UGT8: variants seen among roughly 807,000 people sequenced by gnomAD.
The protein encoded by UGT8 is UDP glycosyltransferase 8.
In UGT8, 12 loss-of-function variants were observed where a neutral mutation model predicts 40.5. That is an observed-to-expected ratio of 0.30 (90% CI 0.19 to 0.48). UGT8 has a LOEUF of 0.48. UGT8 is among the 20% of genes least tolerant of loss of function. The pLI is 0.99. For missense variants in UGT8, 513 were observed against 648.7 expected (o/e 0.79, Z 2.27); for synonymous variants, 224 against 240.4 (o/e 0.93, Z 0.63).
intron 2 of UGT8, among the ~76,000 whole-genome samples, chr4:114,658,087 A>T (rs1037595805): frequency 6.6e-5 from 10 of 152,226 alleles, no homozygotes; most frequent in Non-Finnish European, 1.0e-4. Context: ...CAGAGATCAC[A>T]TTTGATATCC....
intron 1 of UGT8, among the ~76,000 whole-genome samples, chr4:114,612,256 A>G (rs997563424): frequency 6.6e-6 from 1 of 152,136 alleles, no homozygotes; most frequent in Non-Finnish European, 1.5e-5. Flanking sequence ...TTATTTTGGT[A>G]TACTTTGCTA....
At chr4:114,617,323 T>C (rs905740719) in intron 1 of UGT8, among the ~76,000 whole-genome samples, 1 of 152,224 alleles carries the variant, frequency 6.6e-6, no homozygotes, top group Non-Finnish European at 1.5e-5. Flanking sequence ...ACGTTTTGGA[T>C]GTGCACCCCA....
At chr4:114,647,709 A>G (rs2126119178) in intron 2 of UGT8, among the ~76,000 whole-genome samples, 1 of 152,182 alleles carries the variant, frequency 6.6e-6, no homozygotes, top group East Asian at 1.9e-4. Flanking sequence ...GACTGCTTGT[A>G]TCTCCATTTT....
chr4:114,643,453 A>C (rs1733351714), intron 2 of UGT8, among the ~76,000 whole-genome samples: 1 of 152,170 alleles, frequency 6.6e-6, no homozygotes, highest in African/African-American at 2.4e-5. Flanking sequence ...AGAGAAACTT[A>C]TGGGGATTAG....
chr4:114,647,233 A>G lies in UGT8; in HGVS notation c.823-16762A>G, dbSNP rs374007939. On this transcript the variant is annotated intron_variant, in intron 2 of 5. Coordinates refer to ENST00000310836, the MANE Select transcript of UGT8 (RefSeq NM_001128174.3). The stretch of plus-strand genomic sequence containing the variant: ...TGCTTCCTTCCTGAGGATCTATAGT[A>G]ATAATTTGTGATTTTCTTTTATGTC... Among the ~76,000 whole-genome samples the G allele has an allele frequency of 2.0e-5, 3 of 152,128 alleles. No homozygotes were observed. In the East Asian group the frequency reaches 5.8e-4, roughly 29 times the overall value.
chr4:114,643,580 T>C (rs755617704), intron 2 of UGT8, among the ~76,000 whole-genome samples: 1 of 152,220 alleles, frequency 6.6e-6, no homozygotes, highest in Non-Finnish European at 1.5e-5. Context: ...TCACTCCAAC[T>C]GTATTTCCTT....
At chr4:114,621,787 A>G (rs1347214129) in intron 1 of UGT8, among the ~76,000 whole-genome samples, 1 of 152,178 alleles carries the variant, frequency 6.6e-6, no homozygotes, top group Non-Finnish European at 1.5e-5. Flanking sequence ...TTTCTTCCCA[A>G]ACAGATCCAT....
chr4:114,637,460 ACT>A (rs1176819117), intron 2 of UGT8, among the ~76,000 whole-genome samples: 1 of 152,216 alleles, frequency 6.6e-6, no homozygotes, highest in Non-Finnish European at 1.5e-5. Context: ...GTAAGTACAC[ACT>A]TAGTTTTAAA....
intron 2 of UGT8, among the ~76,000 whole-genome samples, chr4:114,630,360 C>T (rs6814569): frequency 0.87 from 132,567 of 152,220 alleles, 59,785 homozygotes; most frequent in East Asian, 1. Flanking sequence ...GATAGCATGT[C>T]AGTACTTACT....
chr4:114,609,034 C>G (rs879329460), intron 1 of UGT8, among the ~76,000 whole-genome samples: 1 of 152,056 alleles, frequency 6.6e-6, no homozygotes, highest in African/African-American at 2.4e-5. Flanking sequence ...GTCAGAATAT[C>G]TCCCTTTCCA....
intron 1 of UGT8, among the ~76,000 whole-genome samples, chr4:114,619,869 T>C (rs1731674272): frequency 6.6e-6 from 1 of 151,896 alleles, no homozygotes; most frequent in African/African-American, 2.4e-5. Flanking sequence ...TATTTGTTTA[T>C]GGTGCATTTG....
intron 1 of UGT8, among the ~76,000 whole-genome samples, chr4:114,610,198 C>T (rs1301467651): frequency 6.6e-6 from 1 of 152,092 alleles, no homozygotes; most frequent in Non-Finnish European, 1.5e-5. Flanking sequence ...ATGCTGGTTC[C>T]GACTCTGCCA....
At chr4:114,613,498 A>G (rs575026665) in intron 1 of UGT8, among the ~76,000 whole-genome samples, 1 of 152,274 alleles carries the variant, frequency 6.6e-6, no homozygotes, top group East Asian at 1.9e-4. Flanking sequence ...GACTGCTGGT[A>G]CTTTGTATAT....
intron 5 of UGT8, among the ~76,000 whole-genome samples, chr4:114,669,398 A>G (rs893064977): frequency 3.3e-5 from 5 of 151,508 alleles, no homozygotes; most frequent in African/African-American, 7.3e-5. Context: ...ATATATATAT[A>G]TATATATATG....
At chr4:114,663,930 TTAA>T in intron 2 of UGT8, 62 bp from the exon 3 acceptor site, 1 of 1,579,506 alleles carries the variant, frequency 6.3e-7, no homozygotes, top group Non-Finnish European at 8.6e-7. Context: ...AACTGGGCTG[TTAA>T]TAACACCAAT....
intron 4 of UGT8, among the ~76,000 whole-genome samples, chr4:114,666,323 G>A (rs537374597): frequency 6.6e-6 from 1 of 152,114 alleles, no homozygotes; most frequent in South Asian, 2.1e-4. Flanking sequence ...TAATCTTGGG[G>A]ATTTTGATTC....
chr4:114,643,947 C>G (rs1217202113), intron 2 of UGT8, among the ~76,000 whole-genome samples: 1 of 152,134 alleles, frequency 6.6e-6, no homozygotes, highest in Non-Finnish European at 1.5e-5. Flanking sequence ...CTCCCATTTT[C>G]TGCAAATTGC....
chr4:114,644,265 G>C (rs923439068), intron 2 of UGT8, among the ~76,000 whole-genome samples: 1 of 152,110 alleles, frequency 6.6e-6, no homozygotes, highest in African/African-American at 2.4e-5. Flanking sequence ...ATTAATTATA[G>C]CAGAAGAAGC....
chr4:114,606,861 T>C (rs1038878105), intron 1 of UGT8, among the ~76,000 whole-genome samples: 2 of 152,126 alleles, frequency 1.3e-5, no homozygotes, highest in African/African-American at 2.4e-5. Context: ...CAGGAAACCA[T>C]GGTATTGATC....
Sources: gnomAD v4.1 joint callset for allele counts (sites outside exome capture counted in the v4.1 genomes callset) on GRCh38, gnomAD v4.1.1 for gene constraint, MANE v1.5 for transcripts, NCBI Gene and HGNC (gene_info 2026-07-23, HGNC 2026-07-21) for gene names.